The following TDRD1 variants were observed in gnomAD, a reference collection of about 807,000 sequenced individuals.
TDRD1 encodes the protein tudor domain-containing protein 1.
A neutral mutation model predicts 140.6 loss-of-function variants in TDRD1; 37 were observed. That is an observed-to-expected ratio of 0.26 (90% CI 0.20 to 0.35). TDRD1 has a LOEUF of 0.35. Among genes scored for constraint, TDRD1 ranks in the 10% least tolerant of loss-of-function variants. The pLI, the probability that TDRD1 is intolerant of heterozygous loss-of-function variation, is 1.00. For missense variants in TDRD1, 1,243 were observed against 1,393.0 expected, an observed-to-expected ratio of 0.89 and a Z score of 1.71; for synonymous variants, 506 against 475.7, an observed-to-expected ratio of 1.06 and a Z score of -0.83.
At chr10:114,175,585 A>G (rs1360625321), upstream of TDRD1, among the ~76,000 whole-genome samples, 3 of 152,208 alleles carry the variant, frequency 2.0e-5, no homozygotes, top group Non-Finnish European at 4.4e-5. Flanking sequence ...TGCCCAAAAA[A>G]AGTTACCTTG....
At chr10:114,178,719 T>G (rs1481801369), upstream of TDRD1, among the ~76,000 whole-genome samples, 2 of 152,118 alleles carry the variant, frequency 1.3e-5, no homozygotes, top group African/African-American at 4.8e-5. Context: ...TTGTCTCACA[T>G]TTACAATTCT....
intron 4 of TDRD1, among the ~76,000 whole-genome samples, chr10:114,200,720 A>C (rs2447634): frequency 0.2 from 30,046 of 151,792 alleles, 3,115 homozygotes; most frequent in African/African-American, 0.25. Flanking sequence ...ACGGGGTTTC[A>C]CCATGTTGGC....
At chr10:114,198,034 C>T (rs1006285067) in intron 3 of TDRD1, among the ~76,000 whole-genome samples, 7 of 152,082 alleles carry the variant, frequency 4.6e-5, no homozygotes, top group South Asian at 2.1e-4. Context: ...ACCGCCAGGT[C>T]GGGGGGTATA....
chr10:114,209,677 C>A (rs1420905152), intron 11 of TDRD1, among the ~76,000 whole-genome samples: 1 of 152,162 alleles, frequency 6.6e-6, no homozygotes, highest in African/African-American at 2.4e-5. Flanking sequence ...GAGGTCATTC[C>A]TAGATATGAA....
At chr10:114,221,271 A>G (rs1036592456) in intron 19 of TDRD1, 86 bp from the exon 20 acceptor site, 8 of 1,253,258 alleles carry the variant, frequency 6.4e-6, no homozygotes, top group Non-Finnish European at 9.1e-6. Flanking sequence ...TTTCATGAAC[A>G]AATGATTGAA....
chr10:114,175,270 C>T (rs555912830), upstream of TDRD1, among the ~76,000 whole-genome samples: 21 of 152,150 alleles, frequency 1.4e-4, no homozygotes, highest in African/African-American at 4.8e-4. Flanking sequence ...AAGCTGTTTT[C>T]GGTACTCGTC....
intron 16 of TDRD1, among the ~76,000 whole-genome samples, chr10:114,215,069 A>G (rs10160168): frequency 0.079 from 11,993 of 152,180 alleles, 479 homozygotes; most frequent in African/African-American, 0.086. Flanking sequence ...AAAAGTAAAC[A>G]TCTTGCTTTC....
At chr10:114,184,426 A>G (rs747572197) in intron 1 of TDRD1, among the ~76,000 whole-genome samples, 1 of 152,204 alleles carries the variant, frequency 6.6e-6, no homozygotes, top group Non-Finnish European at 1.5e-5. Context: ...GGCTGTGCTT[A>G]TTACTCCCTA....
rs564942768 is a variant in TDRD1, at chr10:114,205,050, A to G, written c.1297+157A>G. 2.0e-5 allele frequency among the ~76,000 whole-genome samples: 3 copies of G among 152,356 alleles called. No individual in the cohort carries two copies. The East Asian group carries it at 5.8e-4, about 29-fold the overall frequency. ...ATTCTTGAAATTGGCAGTTTGTCAA[A>G]GACATGACACAAATTCATAGAATTA... is the stretch of plus-strand genomic sequence containing the variant. On this transcript the variant is annotated intron_variant, in intron 10 of 25. Transcript: ENST00000251864.
At chr10:114,217,765 A>AGAAT in intron 17 of TDRD1, 110 bp downstream of exon 17, 1 of 621,640 alleles carries the variant, frequency 1.6e-6, no homozygotes, top group Non-Finnish European at 2.9e-6. Flanking sequence ...TTCATGGCCA[A>AGAAT]GAATGAATGA....
upstream of TDRD1, among the ~76,000 whole-genome samples, chr10:114,176,787 G>T (rs601303): frequency 0.2 from 30,027 of 152,032 alleles, 3,091 homozygotes; most frequent in African/African-American, 0.25. This position sits in a 1 kb window ranked among gnomAD's most constrained non-coding sequence, Gnocchi z 4.2. Flanking sequence ...GAAAGGAAAG[G>T]AGAGGAAAGG....
At chr10:114,225,314 C>G (rs904295378) in intron 21 of TDRD1, among the ~76,000 whole-genome samples, 1 of 152,172 alleles carries the variant, frequency 6.6e-6, no homozygotes, top group Non-Finnish European at 1.5e-5. Context: ...AGTAACTCTG[C>G]TTCCTTGGCC....
chr10:114,231,719 C>T (rs547418683), exon 26 of TDRD1: 17 of 512,024 alleles, frequency 3.3e-5, no homozygotes, highest in African/African-American at 2.6e-4. Flanking sequence ...GTAAAAAATT[C>T]ATACCAAATC....
intron 11 of TDRD1, among the ~76,000 whole-genome samples, chr10:114,207,125 C>T (rs2035174170): frequency 1.3e-5 from 2 of 152,220 alleles, no homozygotes; most frequent in Non-Finnish European, 2.9e-5. Flanking sequence ...TCCTCATTGC[C>T]TAATCACCTG....
At chr10:114,204,374 A>C (rs1166019318) in intron 9 of TDRD1, among the ~76,000 whole-genome samples, 158 bp downstream of exon 9, 2 of 152,298 alleles carry the variant, frequency 1.3e-5, no homozygotes, top group East Asian at 3.9e-4. Flanking sequence ...TATTTAGTTA[A>C]CTACTGCCCA....
chr10:114,222,410 C>T (rs997932151), intron 20 of TDRD1, among the ~76,000 whole-genome samples, 177 bp from the exon 21 acceptor site: 1 of 152,094 alleles, frequency 6.6e-6, no homozygotes, highest in Non-Finnish European at 1.5e-5. Flanking sequence ...TTGCAAATGG[C>T]AACCAATAGT....
Position 114,187,931 on chromosome 10 carries a change from A to G in TDRD1, c.100A>G (p.Lys34Glu), listed in dbSNP as rs564277679. Residue 34 changes from lysine to glutamate, a missense_variant, in exon 2 of 26, where the codon AAG (lysine) becomes GAG (glutamate). By Grantham distance (56) the Lys-to-Glu change is moderately conservative. Transcript: ENST00000251864. ...ATTTAATTTTGAGAAAAATGAAAAC[A>G]AGCTTCCACCACATGAGTCTTTAAG... 2.3e-5 allele frequency: 37 copies of G among 1,613,498 alleles called. No homozygotes were observed. The South Asian group carries it at 4.0e-4, about 17-fold the overall frequency.
chr10:114,196,659 A>T (rs1448018268), intron 3 of TDRD1, among the ~76,000 whole-genome samples: 1 of 151,638 alleles, frequency 6.6e-6, no homozygotes, highest in African/African-American at 2.4e-5. Context: ...GAATTTTAAA[A>T]ATTTCCCCCC....
At chr10:114,184,966 A>T (rs1198014219) in intron 1 of TDRD1, among the ~76,000 whole-genome samples, 1 of 152,086 alleles carries the variant, frequency 6.6e-6, no homozygotes, top group Admixed American at 6.5e-5. Context: ...CTCAGTGTTG[A>T]AAAAAAGGAA....
Sources: gnomAD v4.1 joint callset for allele counts (sites outside exome capture counted in the v4.1 genomes callset) on GRCh38, gnomAD v4.1.1 for gene constraint, Gnocchi (gnomAD v3.1) non-coding constraint, MANE v1.5 for transcripts, NCBI Gene and HGNC (gene_info 2026-07-23, HGNC 2026-07-21) for gene names.